Variants in ADGRV1 observed in about 807,000 individuals in gnomAD.
ADGRV1 encodes adhesion G protein-coupled receptor V1.
In ADGRV1, 359 loss-of-function variants were observed where a neutral mutation model predicts 596.2. The observed-to-expected ratio is 0.60, with a 90% CI of 0.55 to 0.66. The LOEUF (loss-of-function observed/expected upper bound fraction) is 0.66. ADGRV1 is among the 30% of genes least tolerant of loss of function. The pLI is 0.00. For synonymous variants in ADGRV1, 2,681 were observed against 2,679.2 expected (o/e 1.00, Z -0.02); for missense variants, 7,274 against 7,575.6 (o/e 0.96, Z 1.48).
At chr5:90,989,398 T>C (rs1321141684) in intron 85 of ADGRV1, among the ~76,000 whole-genome samples, 2 of 152,198 alleles carry the variant, frequency 1.3e-5, no homozygotes, top group African/African-American at 4.8e-5. Context: ...CCAAGTTACT[T>C]TCTACTTCTT....
chr5:90,594,612 C>T (rs1349195888), intron 1 of ADGRV1, among the ~76,000 whole-genome samples: 1 of 145,032 alleles, frequency 6.9e-6, no homozygotes, highest in Non-Finnish European at 1.5e-5. Context: ...TCTGGTTTTC[C>T]TAGGCAGAGG....
rs1404543286 is a variant in ADGRV1, at chr5:90,728,864, A to T, written c.10357A>T (p.Thr3453Ser). ...INFQEVPVSG[T>S]TEVEALSSAN... ...CTTTCAAGAGGTGCCTGTCAGTGGG[A>T]CAACAGAAGTTGAGGCTTTGTCTTC... is the stretch of plus-strand genomic sequence containing the variant. Residue 3453 changes from threonine (T) to serine (S), a missense_variant, in exon 49 of 90, where the codon ACA becomes TCA. Thr to Ser is a moderately conservative substitution (Grantham distance 58, BLOSUM62 1). This residue lies in a region of ADGRV1 where 3,643 missense variants were observed against 3,809.2 expected (regional missense o/e 0.96). Coordinates refer to ENST00000405460, the MANE Select transcript of ADGRV1 (RefSeq NM_032119.4). 2.5e-5 allele frequency: 40 copies of T among 1,613,690 alleles called. No homozygotes were observed. The East Asian group carries it at 8.9e-4, about 36-fold the overall frequency.
At chr5:90,607,702 G>A (rs1045151947) in intron 1 of ADGRV1, among the ~76,000 whole-genome samples, 12 of 152,070 alleles carry the variant, frequency 7.9e-5, no homozygotes, top group Admixed American at 1.3e-4. Flanking sequence ...TGGTTCACTC[G>A]TTCACTGAAA....
chr5:90,729,520 G>A (rs1343737806), intron 49 of ADGRV1, 122 bp from the exon 50 acceptor site: 1 of 743,074 alleles, frequency 1.3e-6, no homozygotes, highest in Non-Finnish European at 2.1e-6. Flanking sequence ...TATTTTTATT[G>A]GACTAAATGG....
intron 85 of ADGRV1, among the ~76,000 whole-genome samples, chr5:91,016,570 A>G (rs951898668): frequency 2.0e-5 from 3 of 151,972 alleles, no homozygotes; most frequent in African/African-American, 7.2e-5. Context: ...AGTAGAAGAA[A>G]CAGACATGCA....
chr5:91,012,530 C>T (rs1782806990), intron 85 of ADGRV1, among the ~76,000 whole-genome samples: 1 of 151,840 alleles, frequency 6.6e-6, no homozygotes, highest in Non-Finnish European at 1.5e-5. Flanking sequence ...ATGACACTTA[C>T]CACATATTTT....
intron 83 of ADGRV1, among the ~76,000 whole-genome samples, chr5:90,891,106 G>C (rs2150582150): frequency 6.6e-6 from 1 of 150,376 alleles, no homozygotes; most frequent in South Asian, 2.1e-4. Context: ...AAACAAAAAA[G>C]TTTGAAAAAA....
chr5:90,607,798 G>A (rs1762284578), intron 1 of ADGRV1, among the ~76,000 whole-genome samples: 1 of 152,086 alleles, frequency 6.6e-6, no homozygotes, highest in Non-Finnish European at 1.5e-5. Flanking sequence ...AAGATATGAA[G>A]ATCCATATAT....
chr5:90,864,553 C>A (rs151209488), intron 83 of ADGRV1, among the ~76,000 whole-genome samples: 2,225 of 152,088 alleles, frequency 0.015, 23 homozygotes, highest in Non-Finnish European at 0.019. Context: ...AGGCTTAATT[C>A]ATTTTTTTCA....
At chr5:90,603,551 T>C (rs1761688450) in intron 1 of ADGRV1, among the ~76,000 whole-genome samples, 1 of 152,150 alleles carries the variant, frequency 6.6e-6, no homozygotes, top group Non-Finnish European at 1.5e-5. Flanking sequence ...ACCTCAGTGC[T>C]GTAGCTTTTC....
chr5:90,679,720 C>G, intron 26 of ADGRV1, 91 bp downstream of exon 26: 1 of 766,090 alleles, frequency 1.3e-6, no homozygotes, highest in Non-Finnish European at 2.2e-6. Context: ...TTGACACCTA[C>G]TATGTGTAGG....
At chr5:90,819,835 A>C (rs981435608) in intron 75 of ADGRV1, among the ~76,000 whole-genome samples, 5 of 152,168 alleles carry the variant, frequency 3.3e-5, no homozygotes, top group African/African-American at 1.2e-4. Context: ...TTTACTTCCA[A>C]GTACGTGGTC....
chr5:91,146,410 G>A (rs1464330805), intron 87 of ADGRV1, among the ~76,000 whole-genome samples: 1 of 152,224 alleles, frequency 6.6e-6, no homozygotes, highest in Non-Finnish European at 1.5e-5. Flanking sequence ...CGAAAGCCCA[G>A]CAATTGTCAA....
intron 83 of ADGRV1, among the ~76,000 whole-genome samples, chr5:90,924,607 CT>C (rs1774233411): frequency 6.6e-6 from 1 of 150,676 alleles, no homozygotes; most frequent in African/African-American, 2.4e-5. Flanking sequence ...ATGGTAGTTT[CT>C]TTTGCTGTGC....
At chr5:90,886,492 T>C (rs1770297135) in intron 83 of ADGRV1, among the ~76,000 whole-genome samples, 1 of 152,198 alleles carries the variant, frequency 6.6e-6, no homozygotes, top group Non-Finnish European at 1.5e-5. Flanking sequence ...AGGAATTGTA[T>C]ACTAAAATTA....
chr5:90,878,261 C>T (rs1561885543), intron 83 of ADGRV1, among the ~76,000 whole-genome samples: 2 of 152,210 alleles, frequency 1.3e-5, no homozygotes, highest in Non-Finnish European at 2.9e-5. Context: ...AATTGAGCTT[C>T]ACAATCGGTC....
intron 75 of ADGRV1, among the ~76,000 whole-genome samples, chr5:90,820,512 G>T (rs1470566462): frequency 6.6e-6 from 1 of 151,816 alleles, no homozygotes; most frequent in Non-Finnish European, 1.5e-5. Context: ...TCTTAGTCTC[G>T]ATGGTCTTTA....
intron 1 of ADGRV1, among the ~76,000 whole-genome samples, chr5:90,602,000 G>A (rs147289998): frequency 2.0e-4 from 30 of 152,238 alleles, no homozygotes; most frequent in Non-Finnish European, 4.0e-4. Context: ...AATAATGAAC[G>A]TAGACACATG....
intron 84 of ADGRV1, among the ~76,000 whole-genome samples, chr5:90,966,577 G>A (rs1220967072): frequency 1.3e-5 from 2 of 151,570 alleles, no homozygotes; most frequent in Non-Finnish European, 2.9e-5. Flanking sequence ...AATGCACTGG[G>A]AAGCTATTGG....
Sources: allele counts gnomAD v4.1 joint callset (sites outside exome capture counted in the v4.1 genomes callset), GRCh38; gene constraint gnomAD v4.1.1; regional missense constraint gnomAD v4.1.1; transcripts MANE v1.5; gene names NCBI Gene and HGNC (gene_info 2026-07-23, HGNC 2026-07-21).